Variants in LRP1B observed in about 807,000 individuals in gnomAD.
LRP1B encodes LDL receptor related protein 1B, also known as low-density lipoprotein receptor-related protein 1B.
LRP1B carries 217 observed loss-of-function variants against 556.6 expected under a neutral mutation model. The observed-to-expected ratio is 0.39, with a 90% confidence interval of 0.35 to 0.44. LRP1B has a LOEUF of 0.44. Ranked by LOEUF, LRP1B falls within the 20% of genes least tolerant of loss-of-function variation. The probability of loss-of-function intolerance (pLI) is 1.00; values close to 1 mark genes in which losing one functional copy is unlikely to be tolerated. For synonymous variants in LRP1B, 2,047 were observed against 1,865.8 expected, an observed-to-expected ratio of 1.10 and a Z score of -2.50; for missense variants, 5,053 against 5,620.8, an observed-to-expected ratio of 0.90 and a Z score of 3.23.
chr2:141,277,599 G>A (rs192667084), intron 3 of LRP1B, among the ~76,000 whole-genome samples: 1 of 151,532 alleles, frequency 6.6e-6, no homozygotes, highest in Admixed American at 6.6e-5. Context: ...ATAAAAGATA[G>A]CAGATTATAT....
intron 1 of LRP1B, among the ~76,000 whole-genome samples, chr2:142,111,839 C>CA (rs1032014263): frequency 1.6e-4 from 25 of 151,802 alleles, no homozygotes; most frequent in African/African-American, 4.8e-4. Flanking sequence ...TAATTGAGTG[C>CA]AAAAAACAGG....
intron 3 of LRP1B, among the ~76,000 whole-genome samples, chr2:141,305,817 A>C (rs967172832): frequency 5.3e-5 from 8 of 152,150 alleles, no homozygotes; most frequent in African/African-American, 1.7e-4. Flanking sequence ...GAATTTTATC[A>C]ATTTCTTCCT....
At chr2:141,013,945 C>G (rs1403318803) in intron 13 of LRP1B, among the ~76,000 whole-genome samples, 200 bp from the exon 14 acceptor site, 2 of 152,042 alleles carry the variant, frequency 1.3e-5, no homozygotes, top group Middle Eastern at 3.2e-3. Flanking sequence ...AGGAAACCAT[C>G]TATTTTATCT....
chr2:140,325,695 CATTTT>C, intron 80 of LRP1B, 62 bp downstream of exon 80: 2 of 1,058,056 alleles, frequency 1.9e-6, no homozygotes, highest in South Asian at 1.5e-5. Context: ...TCCATACTTA[CATTTT>C]TGTATTAGTA....
At chr2:142,126,117 A>G (rs1233235316) in intron 1 of LRP1B, among the ~76,000 whole-genome samples, 3 of 151,906 alleles carry the variant, frequency 2.0e-5, no homozygotes, top group Admixed American at 2.0e-4. Flanking sequence ...GGTATACCAT[A>G]ATTATATTCA....
At chr2:141,396,070 T>C (rs1207159433) in intron 3 of LRP1B, among the ~76,000 whole-genome samples, 2 of 152,196 alleles carry the variant, frequency 1.3e-5, no homozygotes, top group Non-Finnish European at 2.9e-5. Flanking sequence ...TTGGTAAGTT[T>C]ATAGATTCAC....
chr2:141,077,778 C>T (rs548978390), intron 7 of LRP1B, among the ~76,000 whole-genome samples: 2 of 152,232 alleles, frequency 1.3e-5, no homozygotes, highest in East Asian at 3.9e-4. Context: ...TCACAAGTGC[C>T]TAAGGCAATT....
chr2:140,495,516 T>A, intron 56 of LRP1B, 49 bp downstream of exon 56: 1 of 1,503,178 alleles, frequency 6.7e-7, no homozygotes, highest in African/African-American at 1.4e-5. Context: ...AAATTCAGGA[T>A]CCATATGTAT....
intron 1 of LRP1B, among the ~76,000 whole-genome samples, chr2:141,995,601 CCAT>C (rs1702468616): frequency 6.6e-6 from 1 of 152,110 alleles, no homozygotes; most frequent in Admixed American, 6.5e-5. Flanking sequence ...TTTCAGGAGG[CCAT>C]TACTCTGCCT....
rs1262341702 is a variant in LRP1B at position 141,639,028 on chromosome 2, TTTC to T, written c.206-158498_206-158496del. On this transcript the variant is annotated intron_variant, in intron 2 of 90. Transcript: ENST00000389484. ...TATATATATTGCCTAGCCTCTGGTG[TTTC>T]TTTATAGCAATGCAAGAATGGGCCA... Among the ~76,000 whole-genome samples the T allele has an allele frequency of 2.1e-4, 23 of 107,702 alleles. 2 individuals carry two copies. In the Admixed American group the frequency reaches 2.2e-3, roughly 10 times the overall value. 70.7% of individuals were successfully genotyped at this position (107,702 alleles called of 152,430 possible).
At chr2:141,887,254 C>A (rs983858107) in intron 1 of LRP1B, among the ~76,000 whole-genome samples, 1 of 152,164 alleles carries the variant, frequency 6.6e-6, no homozygotes, top group African/African-American at 2.4e-5. Context: ...CCTTGGGCTC[C>A]CGAAGTGCTG....
At chr2:142,061,254 C>T (rs1704897002) in intron 1 of LRP1B, among the ~76,000 whole-genome samples, 1 of 151,812 alleles carries the variant, frequency 6.6e-6, no homozygotes, top group African/African-American at 2.4e-5. Context: ...ATCTGGAAAC[C>T]TTGTGAAGAC....
intron 31 of LRP1B, among the ~76,000 whole-genome samples, chr2:140,821,092 T>C (rs565720543): frequency 1.1e-4 from 16 of 152,250 alleles, no homozygotes; most frequent in African/African-American, 3.4e-4. Flanking sequence ...GTTTTTGTTT[T>C]GTTTAACTCT....
intron 77 of LRP1B, among the ~76,000 whole-genome samples, chr2:140,347,113 A>G (rs2105108419): frequency 6.6e-6 from 1 of 151,882 alleles, no homozygotes; most frequent in Admixed American, 6.6e-5. Flanking sequence ...GCTTCCCCTC[A>G]TATACTTTTT....
intron 1 of LRP1B, among the ~76,000 whole-genome samples, chr2:141,978,084 G>A (rs1701935756): frequency 1.3e-5 from 2 of 151,956 alleles, no homozygotes; most frequent in South Asian, 4.1e-4. Flanking sequence ...TTATTATCCT[G>A]TATTAATTTA....
In LRP1B at chr2:141,840,104, T is replaced by C. The variant is rs2105758680; in HGVS notation, c.83-29703A>G. Among the ~76,000 whole-genome samples, 3 of 152,222 alleles carry C rather than the reference T, an allele frequency of 2.0e-5. No individual in the cohort carries two copies. In the South Asian group the frequency reaches 6.2e-4, roughly 31 times the overall value. ...TTATTTAATGAGTGAATACTTTTCA[T>C]ACAAATTAATCATGTAGAAATATGA... On this transcript the variant is annotated intron_variant, in intron 1 of 90. Coordinates refer to ENST00000389484, the MANE Select transcript of LRP1B (RefSeq NM_018557.3).
intron 7 of LRP1B, among the ~76,000 whole-genome samples, chr2:141,168,152 A>G (rs1274836649): frequency 6.6e-6 from 1 of 152,110 alleles, no homozygotes; most frequent in South Asian, 2.1e-4. Flanking sequence ...AGCACATTTT[A>G]TCCATAAAGT....
intron 3 of LRP1B, among the ~76,000 whole-genome samples, chr2:141,338,426 C>T (rs751262304): frequency 1.2e-4 from 18 of 152,150 alleles, no homozygotes; most frequent in Non-Finnish European, 2.2e-4. Context: ...TCATATGGCT[C>T]TGTGCTGCAT....
intron 3 of LRP1B, among the ~76,000 whole-genome samples, chr2:141,379,389 C>A (rs922703816): frequency 6.6e-6 from 1 of 152,054 alleles, no homozygotes; most frequent in Non-Finnish European, 1.5e-5. Flanking sequence ...GAGAGTGATG[C>A]CAATCATGTG....
Sources: allele counts gnomAD v4.1 joint callset (sites outside exome capture counted in the v4.1 genomes callset), GRCh38; gene constraint gnomAD v4.1.1; transcripts MANE v1.5; gene names NCBI Gene and HGNC (gene_info 2026-07-23, HGNC 2026-07-21).